Variants in PXDN observed in about 807,000 individuals in gnomAD.
The protein encoded by PXDN is peroxidasin.
In PXDN, 77 loss-of-function variants were observed where a neutral mutation model predicts 140.3. That is an observed-to-expected ratio of 0.55 (90% CI 0.46 to 0.66). PXDN has a LOEUF of 0.66. Ranked by LOEUF, PXDN falls within the 30% of genes least tolerant of loss-of-function variation. The pLI is 0.00. For synonymous variants in PXDN, 911 were observed against 857.4 expected (o/e 1.06, Z -1.09); for missense variants, 1,838 against 2,039.5 (o/e 0.90, Z 1.90).
chr2:1,705,752 G>A (rs971116671), intron 1 of PXDN, among the ~76,000 whole-genome samples: 1 of 139,314 alleles, frequency 7.2e-6, no homozygotes, highest in Non-Finnish European at 1.6e-5. Flanking sequence ...AGGTGCGGCT[G>A]CCCATGACCT....
chr2:1,699,265 A>C (rs1278233060), intron 1 of PXDN, among the ~76,000 whole-genome samples: 3 of 152,252 alleles, frequency 2.0e-5, no homozygotes, highest in East Asian at 3.8e-4. Context: ...AATCATGCCA[A>C]AGTTATGAAT....
At position 1,633,269 on chromosome 2, in the gene PXDN, T is replaced by C. The variant is rs1346769670; in HGVS notation, c.*935A>G. 1 of 151,756 alleles carries C rather than the reference T, an allele frequency of 6.6e-6. No individual in the cohort carries two copies. Among genetic ancestry groups the C allele is most frequent in the South Asian group, 2.1e-4 (1 of 4,778 alleles). 9.4% of individuals were successfully genotyped at this position (151,756 alleles called of 1,614,324 possible). A position where few individuals can be genotyped will look rare whatever the true frequency, so the allele number is the denominator to read the frequency against. Reference sequence around the variant, plus strand: ...GGAAGAGCCATCCGGAAGCGGCTCTTGTTCAGGACGTGGACGCAACCAGGG... The same window carrying C: ...GGAAGAGCCATCCGGAAGCGGCTCTCGTTCAGGACGTGGACGCAACCAGGG... On this transcript the variant is annotated 3_prime_UTR_variant, in exon 23 of 23. Transcript: ENST00000252804.
intron 14 of PXDN, among the ~76,000 whole-genome samples, chr2:1,655,751 A>AC (rs1222736175): frequency 4.3e-5 from 5 of 116,444 alleles, no homozygotes; most frequent in African/African-American, 6.8e-5. Flanking sequence ...ACAGGGACCT[A>AC]CCCCCTCCTG....
chr2:1,665,169 G>A, intron 10 of PXDN, 95 bp from the exon 11 acceptor site: 3 of 895,248 alleles, frequency 3.4e-6, no homozygotes. Flanking sequence ...GCAGACGTCT[G>A]ACCATTAGGA....
chr2:1,673,232 G>A (rs1683617471), intron 9 of PXDN, among the ~76,000 whole-genome samples: 1 of 152,160 alleles, frequency 6.6e-6, no homozygotes, highest in African/African-American at 2.4e-5. Flanking sequence ...TAGATTTGTG[G>A]TTTCTTTTAC....
At chr2:1,693,252 T>C (rs1162311048) in intron 1 of PXDN, 118 bp from the exon 2 acceptor site, 6 of 727,952 alleles carry the variant, frequency 8.2e-6, no homozygotes, top group Non-Finnish European at 1.3e-5. Flanking sequence ...AACCACCCAG[T>C]TCACTCCTTC....
intron 1 of PXDN, among the ~76,000 whole-genome samples, chr2:1,724,122 C>A (rs564477472): frequency 6.6e-6 from 1 of 152,330 alleles, no homozygotes; most frequent in East Asian, 1.9e-4. Flanking sequence ...CGCATTTTGT[C>A]TCCAAAGCCA....
At position 1,660,805 on chromosome 2, in the gene PXDN, C is replaced by T. The variant is rs771820694; in HGVS notation, c.1837+76G>A. On this transcript the variant is annotated intron_variant, in intron 14 of 22. Transcript: ENST00000252804. The surrounding 1 kb of genome is among the most constrained non-coding windows in gnomAD (Gnocchi z 4.6). ...ATTCTGAACAGCCTAAGTCAACTGGCCTGGGACCACACTAGGGACCTGCGG... is the reference window on the plus strand; with the variant it reads ...ATTCTGAACAGCCTAAGTCAACTGGTCTGGGACCACACTAGGGACCTGCGG... 9.4e-5 allele frequency: 143 copies of T among 1,518,470 alleles called. No homozygotes were observed. Among genetic ancestry groups the T allele is most frequent in the Non-Finnish European group, 1.2e-4 (139 of 1,126,828 alleles). The allele number at this position is 1,518,470 out of a possible 1,614,324, so 94.1% of individuals were successfully genotyped here.
intron 16 of PXDN, among the ~76,000 whole-genome samples, chr2:1,650,732 A>G (rs965829814): frequency 3.9e-5 from 6 of 152,072 alleles, no homozygotes; most frequent in Non-Finnish European, 5.9e-5. Context: ...CCATTCACAC[A>G]TGCACACACT....
chr2:1,634,219 C>T lies in PXDN; in HGVS notation c.4425G>A (p.Ala1475=), dbSNP rs754791100. Residue 1475 remains alanine (A), a synonymous_variant, in exon 23 of 23, where the codon GCG becomes GCA. Transcript: ENST00000252804. ...TCCCAGGAGCCTAGGGCTTTTCCTC[C>T]GCCCTCTTCTGTAAGCAGACTGGAC... ...ACCPVCLQKR[A]EEKP The T allele has an allele frequency of 1.1e-4, 168 of 1,591,218 alleles. No homozygotes were observed. The highest frequency in any genetic ancestry group is 1.3e-4 in the Non-Finnish European group (155 of 1,168,712).
intron 1 of PXDN, among the ~76,000 whole-genome samples, chr2:1,706,082 G>A (rs1399147490): frequency 6.6e-6 from 1 of 152,168 alleles, no homozygotes. Context: ...GGATCCGACT[G>A]GATGCCAGAT....
chr2:1,719,061 G>A (rs542877045), intron 1 of PXDN, among the ~76,000 whole-genome samples: 7 of 152,374 alleles, frequency 4.6e-5, no homozygotes, highest in East Asian at 3.9e-4. Flanking sequence ...GAGCTGAGAC[G>A]CCAGGGGCCA....
chr2:1,696,421 G>A (rs950730057), intron 1 of PXDN, among the ~76,000 whole-genome samples: 2 of 152,164 alleles, frequency 1.3e-5, no homozygotes, highest in African/African-American at 4.8e-5. Flanking sequence ...TTACTGCAAA[G>A]GGGGTTATCT....
In PXDN at chr2:1,660,748, C is replaced by G; in HGVS notation, c.1837+133G>C. ...CCATGCATCAGGAGAGTGTCCCCAC[C>G]TGGGAATCAAGGGTGCTTTGTCTTC... On this transcript the variant is annotated intron_variant, in intron 14 of 22. Coordinates refer to ENST00000252804, the MANE Select transcript of PXDN (RefSeq NM_012293.3). The surrounding 1 kb of genome is among the most constrained non-coding windows in gnomAD (Gnocchi z 4.6). 1 of 1,213,244 alleles carries G rather than the reference C, an allele frequency of 8.2e-7. No individual in the cohort carries two copies. 75.2% of individuals were successfully genotyped at this position (1,213,244 alleles called of 1,614,324 possible).
chr2:1,722,143 T>C (rs1471476784), intron 1 of PXDN, among the ~76,000 whole-genome samples: 1 of 152,176 alleles, frequency 6.6e-6, no homozygotes, highest in East Asian at 1.9e-4. Flanking sequence ...GAAGATGAAC[T>C]ATCAGGAAGT....
chr2:1,638,854 T>TG lies in PXDN; in HGVS notation c.4197dup (p.Arg1400GlnfsTer8). 6.2e-7 allele frequency: 1 copy of TG among 1,613,982 alleles called. No homozygotes were observed. Among genetic ancestry groups the TG allele is most frequent in the Non-Finnish European group, 8.5e-7 (1 of 1,179,834 alleles). ...GCCGCCAGGCACCTCACCTGTGTTC[T>TG]GAGGTCTGTGATGGTCTTCTGCATT... is the stretch of plus-strand genomic sequence containing the variant. On this transcript the variant is annotated frameshift_variant, in exon 21 of 23. Coordinates refer to ENST00000252804, the MANE Select transcript of PXDN (RefSeq NM_012293.3). LOFTEE classifies it high-confidence loss of function.
intron 19 of PXDN, among the ~76,000 whole-genome samples, chr2:1,643,044 A>G (rs2125406526): frequency 6.6e-6 from 1 of 152,368 alleles, no homozygotes; most frequent in South Asian, 2.1e-4. Context: ...CTACACAAGT[A>G]CTGGAAGCTA....
chr2:1,740,881 C>T (rs1268207704), intron 1 of PXDN, among the ~76,000 whole-genome samples: 1 of 152,206 alleles, frequency 6.6e-6, no homozygotes, highest in Non-Finnish European at 1.5e-5. Flanking sequence ...GCCCTGGCTG[C>T]CATGCGCCTG....
In PXDN at chr2:1,728,538, A is replaced by T. The variant is rs1456289746; in HGVS notation, c.200+15718T>A. On this transcript the variant is annotated intron_variant, in intron 1 of 22. Transcript: ENST00000252804. ...TACCCAGGTCCACAGCTGAGCTGGT[A>T]AAGCTGACAACGGCCCTCTTGTTTC... 2.6e-5 allele frequency among the ~76,000 whole-genome samples: 4 copies of T among 152,262 alleles called. No individual in the cohort carries two copies. In the South Asian group the frequency reaches 6.2e-4, roughly 24 times the overall value.
Sources: allele counts gnomAD v4.1 joint callset (sites outside exome capture counted in the v4.1 genomes callset), GRCh38; gene constraint gnomAD v4.1.1; non-coding constraint Gnocchi (gnomAD v3.1); transcripts MANE v1.5; gene names NCBI Gene and HGNC (gene_info 2026-07-23, HGNC 2026-07-21).